Variants in KANSL1 observed in about 807,000 individuals in gnomAD.
The protein encoded by KANSL1 is MLL1/MLL complex subunit KANSL1.
A neutral mutation model predicts 103.6 loss-of-function variants in KANSL1; 22 were observed. That is an observed-to-expected ratio of 0.21 (90% CI 0.15 to 0.30). The LOEUF (loss-of-function observed/expected upper bound fraction) is 0.30. Ranked by LOEUF, KANSL1 falls within the 10% of genes least tolerant of loss-of-function variation. KANSL1 has a pLI of 1.00. For missense variants in KANSL1, 1,337 were observed against 1,399.8 expected, an observed-to-expected ratio of 0.96 and a Z score of 0.72; for synonymous variants, 600 against 527.6, an observed-to-expected ratio of 1.14 and a Z score of -1.88.
At chr17:46,076,200 TG>T (rs1322741448) in intron 4 of KANSL1, among the ~76,000 whole-genome samples, 1 of 152,156 alleles carries the variant, frequency 6.6e-6, no homozygotes, top group Non-Finnish European at 1.5e-5. Flanking sequence ...TTTTAAAAAT[TG>T]TTTTGGCTAC....
At position 46,034,014 on chromosome 17, in the gene KANSL1, A is replaced by C. The variant is rs1028579264; in HGVS notation, c.2666+147T>G. On this transcript the variant is annotated intron_variant, in intron 11 of 14. Coordinates refer to ENST00000432791, the MANE Select transcript of KANSL1 (RefSeq NM_015443.4). ...GGAATGAGAGAGAACTATATACAGA[A>C]ATAATTTCGTTCTTATCAGATAAGA... The C allele has an allele frequency of 3.0e-6, 3 of 995,358 alleles. No homozygotes were observed. The African/African-American group carries it at 4.9e-5, about 16-fold the overall frequency. The allele number at this position is 995,358 out of a possible 1,614,324, so 61.7% of individuals were successfully genotyped here. A position where few individuals can be genotyped will look rare whatever the true frequency, so the allele number is the denominator to read the frequency against.
At chr17:46,135,695 CTTTTTTTT>C (rs35094789) in intron 2 of KANSL1, among the ~76,000 whole-genome samples, 12,007 of 82,774 alleles carry the variant, frequency 0.15, 18 homozygotes, top group Middle Eastern at 0.26. Flanking sequence ...CCATGCCTGG[CTTTTTTTT>C]TTTTTTTTTT....
At chr17:46,072,317 TTC>T (rs1342154369) in intron 4 of KANSL1, among the ~76,000 whole-genome samples, 1 of 152,178 alleles carries the variant, frequency 6.6e-6, no homozygotes, top group Non-Finnish European at 1.5e-5. Context: ...TTTTACTTTA[TTC>T]AATTAATGCC....
intron 7 of KANSL1, chr17:46,050,246 C>T (rs1055029621): frequency 7.0e-6 from 3 of 431,080 alleles, no homozygotes; most frequent in Non-Finnish European, 1.2e-5. Context: ...ATATACTAAG[C>T]GTATTTTGGA....
chr17:46,205,181 T>C (rs1187853758), intron 1 of KANSL1, among the ~76,000 whole-genome samples: 1 of 152,208 alleles, frequency 6.6e-6, no homozygotes, highest in African/African-American at 2.4e-5. Flanking sequence ...CTACCTTTAT[T>C]TGCAGATGAT....
intron 10 of KANSL1, 88 bp downstream of exon 10, chr17:46,038,450 A>T: frequency 7.0e-7 from 1 of 1,431,556 alleles, no homozygotes; most frequent in Non-Finnish European, 9.5e-7. Context: ...TGGGCTTTAT[A>T]ACCCACCCTC....
intron 2 of KANSL1, among the ~76,000 whole-genome samples, chr17:46,105,931 ACACACACACACACACACCCC>A (rs2042532619): frequency 4.7e-5 from 5 of 107,216 alleles, no homozygotes; most frequent in Non-Finnish European, 8.1e-5. Context: ...ACACACACAC[ACACACACACACACACACCCC>A]CCCAGAAGGG....
At chr17:46,148,330 G>A (rs2044850557) in intron 2 of KANSL1, 1 of 152,108 alleles carries the variant, frequency 6.6e-6, no homozygotes, top group African/African-American at 2.4e-5. Context: ...CACATTTTAA[G>A]GATTAGAATT....
At chr17:46,082,730 C>A (rs906573556) in intron 3 of KANSL1, among the ~76,000 whole-genome samples, 188 bp from the exon 4 acceptor site, 1 of 152,020 alleles carries the variant, frequency 6.6e-6, no homozygotes, top group African/African-American at 2.4e-5. Context: ...AGCAGCAGAC[C>A]CAGGCTCCCC....
In KANSL1 at chr17:46,142,419, A is replaced by G. The variant is rs566705223; in HGVS notation, c.1289+28436T>C. ...TGCTTGAGTCCAGGAGTTTGAGACC[A>G]GCCTGGGCAACAGAGCAAAACCCCA... On this transcript the variant is annotated intron_variant, in intron 2 of 14. Coordinates refer to ENST00000432791, the MANE Select transcript of KANSL1 (RefSeq NM_015443.4). Among the ~76,000 whole-genome samples, 323 of 152,302 alleles carry G rather than the reference A, an allele frequency of 2.1e-3. 3 individuals carry two copies. Among genetic ancestry groups the G allele is most frequent in the Non-Finnish European group, 1.6e-3 (110 of 68,040 alleles).
intron 2 of KANSL1, among the ~76,000 whole-genome samples, chr17:46,132,714 G>A (rs975174105): frequency 3.9e-5 from 6 of 152,194 alleles, no homozygotes; most frequent in South Asian, 4.1e-4. Flanking sequence ...TTGGGAGGCC[G>A]AGGTGGGAGA....
At chr17:46,160,501 C>G (rs978861675) in intron 2 of KANSL1, among the ~76,000 whole-genome samples, 17 of 152,118 alleles carry the variant, frequency 1.1e-4, no homozygotes, top group African/African-American at 4.1e-4. Flanking sequence ...GCCATGTTAC[C>G]CAGGCTGCTC....
intron 2 of KANSL1, among the ~76,000 whole-genome samples, chr17:46,108,557 T>A (rs977060327): frequency 1.3e-5 from 2 of 152,186 alleles, no homozygotes; most frequent in Admixed American, 6.5e-5. Context: ...TAGAATCATA[T>A]CCGGAAAACA....
At chr17:46,135,981 G>T (rs1488009327) in intron 2 of KANSL1, among the ~76,000 whole-genome samples, 2 of 151,944 alleles carry the variant, frequency 1.3e-5, no homozygotes, top group African/African-American at 2.4e-5. Flanking sequence ...CCATTAGCTT[G>T]GGAAACTACA....
rs1487207508 is a variant in KANSL1 at position 46,171,615 on chromosome 17, T to G, written c.529A>C (p.Asn177His). 2 of 1,577,208 alleles carry G rather than the reference T, an allele frequency of 1.3e-6. No individual in the cohort carries two copies. Among genetic ancestry groups the G allele is most frequent in the South Asian group, 2.3e-5 (2 of 86,118 alleles). The change falls in exon 2 of 15, where the codon AAT becomes CAT. Residue 177 changes from asparagine (N) to histidine (H), a missense_variant. Transcript: ENST00000432791. ...GAAGTGAGAGCCCGTTTTCCCCCATTGAGGGAAGTGGAATTGTCATGATCA... is the reference window on the plus strand; with the variant it reads ...GAAGTGAGAGCCCGTTTTCCCCCATGGAGGGAAGTGGAATTGTCATGATCA... ...HSDHDNSTSL[N>H]GGKRALTSSA...
intron 1 of KANSL1, chr17:46,222,954 A>G (rs1313482077): frequency 2.0e-5 from 3 of 150,796 alleles, no homozygotes; most frequent in African/African-American, 7.4e-5. Flanking sequence ...CCTAATGGAG[A>G]GTTCTTTGGC....
At chr17:46,095,430 T>C (rs953752748) in intron 2 of KANSL1, among the ~76,000 whole-genome samples, 2 of 152,184 alleles carry the variant, frequency 1.3e-5, no homozygotes, top group African/African-American at 4.8e-5. Flanking sequence ...TGCAAAACTA[T>C]AGAGAGCCTC....
upstream of KANSL1, chr17:46,196,523 C>T (rs1048343): frequency 0.12 from 52,318 of 424,820 alleles, no homozygotes; most frequent in Non-Finnish European, 0.17. Context: ...TTGCAGCAAG[C>T]CTGAAGATGC....
rs2046273822 is a variant in KANSL1 at position 46,171,305 on chromosome 17, G to C, written c.839C>G (p.Ser280Cys). 3.1e-6 allele frequency: 5 copies of C among 1,614,048 alleles called. No individual in the cohort carries two copies. The highest frequency in any genetic ancestry group is 4.2e-6 in the Non-Finnish European group (5 of 1,180,052). Residue 280 changes from serine (S) to cysteine (C), a missense_variant, in exon 2 of 15, where the codon TCT becomes TGT. Around this residue, in one of 2 missense-constraint regions of KANSL1, gnomAD observed 557 missense variants for 476.4 expected, o/e 1.17. Coordinates refer to ENST00000432791, the MANE Select transcript of KANSL1 (RefSeq NM_015443.4). ...LSSILFSALD[S>C]DTRITALLRR... ...CAGTAAAGCTGTTATCCTTGTGTCA[G>C]AATCTAAAGCACTGAAAAGAATGGA...
Sources: allele counts gnomAD v4.1 joint callset (sites outside exome capture counted in the v4.1 genomes callset), GRCh38; gene constraint gnomAD v4.1.1; regional missense constraint gnomAD v4.1.1; transcripts MANE v1.5; gene names NCBI Gene and HGNC (gene_info 2026-07-23, HGNC 2026-07-21).